SUPT3H: variants seen among roughly 807,000 people sequenced by gnomAD.
SUPT3H encodes transcription initiation protein SPT3 homolog.
SUPT3H carries 44 observed loss-of-function variants against 44.3 expected under a neutral mutation model. The ratio of observed to expected loss-of-function variants is 0.99; its 90% CI spans 0.78 to 1.28. SUPT3H has a LOEUF of 1.28. SUPT3H is among the 50% of genes most tolerant of loss of function. The pLI is 0.00. For missense variants in SUPT3H, 380 were observed against 387.1 expected (o/e 0.98, Z 0.15); for synonymous variants, 124 against 125.6 (o/e 0.99, Z 0.09).
At chr6:45,154,306 T>A (rs567808686) in intron 2 of SUPT3H, among the ~76,000 whole-genome samples, 11 of 152,030 alleles carry the variant, frequency 7.2e-5, no homozygotes, top group Non-Finnish European at 1.5e-4. Flanking sequence ...AGTCAATGTC[T>A]GTTCAATGAA....
intron 2 of SUPT3H, among the ~76,000 whole-genome samples, chr6:45,175,085 T>C (rs1339610053): frequency 1.4e-5 from 2 of 148,076 alleles, no homozygotes; most frequent in East Asian, 2.0e-4. Flanking sequence ...TTTTGCTGAA[T>C]ACTAGATTGT....
At chr6:44,916,632 T>C (rs972033799) in intron 10 of SUPT3H, among the ~76,000 whole-genome samples, 4 of 152,214 alleles carry the variant, frequency 2.6e-5, no homozygotes, top group African/African-American at 9.7e-5. Context: ...CAATTATGGC[T>C]CTGGGTCTCT....
intron 2 of SUPT3H, among the ~76,000 whole-genome samples, chr6:45,185,944 G>T (rs12198376): frequency 1.3e-5 from 2 of 152,060 alleles, no homozygotes; most frequent in African/African-American, 2.4e-5. Flanking sequence ...AAAAGGTGAA[G>T]GAATGCAGAG....
chr6:44,917,073 G>A (rs559013164), intron 10 of SUPT3H, among the ~76,000 whole-genome samples: 9 of 152,206 alleles, frequency 5.9e-5, no homozygotes, highest in Non-Finnish European at 1.3e-4. Flanking sequence ...AGGATTGTTT[G>A]AGCCTGGGAG....
At chr6:45,128,587 C>CGCAT (rs199911853) in intron 2 of SUPT3H, among the ~76,000 whole-genome samples, 1 of 118,734 alleles carries the variant, frequency 8.4e-6, no homozygotes, top group Non-Finnish European at 1.7e-5. Flanking sequence ...CACACACATA[C>CGCAT]ACATATATAT....
intron 2 of SUPT3H, among the ~76,000 whole-genome samples, chr6:45,360,669 A>AT (rs1487084266): frequency 6.6e-6 from 1 of 152,220 alleles, no homozygotes; most frequent in African/African-American, 2.4e-5. Flanking sequence ...CAATGAATAA[A>AT]TGGTCATTGC....
intron 2 of SUPT3H, among the ~76,000 whole-genome samples, chr6:45,362,730 T>C (rs1049682743): frequency 6.6e-6 from 1 of 152,204 alleles, no homozygotes; most frequent in African/African-American, 2.4e-5. Flanking sequence ...CTTCCAGAGC[T>C]GTAGCCAACA....
intron 2 of SUPT3H, among the ~76,000 whole-genome samples, chr6:45,173,780 C>T (rs537532634): frequency 1.3e-5 from 2 of 152,372 alleles, no homozygotes; most frequent in Admixed American, 1.3e-4. Flanking sequence ...ATTAACACTT[C>T]TTTAAGTCAT....
chr6:45,333,174 C>T (rs895650258), intron 2 of SUPT3H, among the ~76,000 whole-genome samples: 7 of 151,580 alleles, frequency 4.6e-5, no homozygotes, highest in Non-Finnish European at 7.4e-5. Context: ...AATATAATCT[C>T]TTGCCATTTC....
chr6:45,292,762 G>C (rs1202078094), intron 2 of SUPT3H, among the ~76,000 whole-genome samples: 2 of 147,740 alleles, frequency 1.4e-5, no homozygotes, highest in Non-Finnish European at 1.5e-5. Context: ...AATGATAAAA[G>C]GCCTTGTCCA....
intron 2 of SUPT3H, among the ~76,000 whole-genome samples, chr6:45,274,419 A>G (rs976438356): frequency 7.2e-5 from 11 of 152,212 alleles, no homozygotes; most frequent in Non-Finnish European, 1.5e-4. Flanking sequence ...ATTTACTCCT[A>G]TATTTCTAAA....
chr6:45,357,290 A>G (rs966357273), intron 2 of SUPT3H, among the ~76,000 whole-genome samples: 10 of 152,078 alleles, frequency 6.6e-5, no homozygotes, highest in African/African-American at 2.4e-4. Flanking sequence ...TATAGGCGTG[A>G]GCCACTGTGC....
At chr6:45,011,401 T>C (rs1381985073) in intron 5 of SUPT3H, among the ~76,000 whole-genome samples, 2 of 152,102 alleles carry the variant, frequency 1.3e-5, no homozygotes, top group Admixed American at 1.3e-4. Flanking sequence ...GTTTCAGTGG[T>C]CTGTGTCTTC....
At chr6:44,947,172 A>T (rs532680740) in intron 9 of SUPT3H, among the ~76,000 whole-genome samples, 59 of 152,358 alleles carry the variant, frequency 3.9e-4, no homozygotes, top group Non-Finnish European at 5.7e-4. Flanking sequence ...TATAGCGTAA[A>T]CATAATTTTT....
intron 3 of SUPT3H, among the ~76,000 whole-genome samples, chr6:45,086,577 A>G (rs1478869171): frequency 2.0e-5 from 3 of 152,122 alleles, no homozygotes. Context: ...TGAAGTACTT[A>G]TGTACATAAC....
rs57506313 is a variant in SUPT3H, at chr6:44,944,762, C to CAAAA, written c.801+8544_801+8547dup. ...GGGAGACAAAGCAAGACCCTCTCTC[C>CAAAA]AAAAAAAAAAAAAAAAAAAAAAAGA... is the stretch of plus-strand genomic sequence containing the variant. On this transcript the variant is annotated intron_variant, in intron 9 of 10. Coordinates refer to ENST00000371459, the MANE Select transcript of SUPT3H (RefSeq NM_003599.4). 9.2e-3 allele frequency among the ~76,000 whole-genome samples: 275 copies of CAAAA among 29,878 alleles called. 65 individuals carry two copies. The highest frequency in any genetic ancestry group is 0.02 in the Non-Finnish European group (227 of 11,542). 19.6% of individuals were successfully genotyped at this position (29,878 alleles called of 152,430 possible).
At chr6:45,331,370 G>A (rs995792774) in intron 2 of SUPT3H, among the ~76,000 whole-genome samples, 7 of 151,920 alleles carry the variant, frequency 4.6e-5, no homozygotes, top group African/African-American at 1.4e-4. Context: ...GCTTGAACAT[G>A]ATGTGTGAAC....
intron 4 of SUPT3H, among the ~76,000 whole-genome samples, chr6:45,019,326 G>C (rs923521139): frequency 5.9e-5 from 9 of 151,764 alleles, no homozygotes; most frequent in Non-Finnish European, 1.2e-4. Flanking sequence ...TTTTTGAAGG[G>C]TTTTTTTGTG....
chr6:45,197,653 C>T (rs1188686213), intron 2 of SUPT3H: 2 of 349,424 alleles, frequency 5.7e-6, no homozygotes, highest in Non-Finnish European at 1.1e-5. Flanking sequence ...ATTGACAATA[C>T]TATTTTTTCA....
Sources: gnomAD v4.1 joint callset for allele counts (sites outside exome capture counted in the v4.1 genomes callset) on GRCh38, gnomAD v4.1.1 for gene constraint, MANE v1.5 for transcripts, NCBI Gene and HGNC (gene_info 2026-07-23, HGNC 2026-07-21) for gene names.